RBBP8: variants seen among roughly 807,000 people sequenced by gnomAD.
The protein encoded by RBBP8 is RB binding protein 8, endonuclease.
RBBP8 carries 88 observed loss-of-function variants against 108.3 expected under a neutral mutation model. That is an observed-to-expected ratio of 0.81 (90% CI 0.68 to 0.97). The LOEUF is 0.97. Among genes scored for constraint, RBBP8 ranks in the 50% least tolerant of loss-of-function variants. The pLI is 0.00. For missense variants in RBBP8, 1,023 were observed against 1,049.0 expected, an observed-to-expected ratio of 0.98 and a Z score of 0.34; for synonymous variants, 332 against 348.2, an observed-to-expected ratio of 0.95 and a Z score of 0.52.
chr18:22,964,118 C>T (rs1463469530), intron 4 of RBBP8, among the ~76,000 whole-genome samples: 1 of 152,096 alleles, frequency 6.6e-6, no homozygotes, highest in Non-Finnish European at 1.5e-5. Flanking sequence ...CCCCACAATC[C>T]CCACCAAAAC....
At chr18:22,975,059 T>G in intron 5 of RBBP8, 94 bp from the exon 6 acceptor site, 1 of 1,389,534 alleles carries the variant, frequency 7.2e-7, no homozygotes, top group South Asian at 1.3e-5. Context: ...GAAGTACTAA[T>G]TTCTTCATAC....
chr18:22,985,592 T>C (rs1301564286), intron 8 of RBBP8, among the ~76,000 whole-genome samples: 2 of 151,970 alleles, frequency 1.3e-5, no homozygotes, highest in African/African-American at 4.8e-5. Flanking sequence ...AAAGGGGAGA[T>C]TGGTTTGGAC....
intron 10 of RBBP8, 30 bp downstream of exon 10, chr18:22,991,079 TA>T (rs758193630): frequency 1.4e-6 from 2 of 1,459,354 alleles, no homozygotes. Flanking sequence ...TGAAAACTGA[TA>T]AGCTATTGGT....
At chr18:22,984,649 C>T (rs1229746536) in intron 7 of RBBP8, among the ~76,000 whole-genome samples, 1 of 152,192 alleles carries the variant, frequency 6.6e-6, no homozygotes, top group Non-Finnish European at 1.5e-5. Flanking sequence ...TTAGAAGAAG[C>T]TGTCTGTTCT....
At chr18:22,943,714 G>A (rs960207521) in intron 2 of RBBP8, among the ~76,000 whole-genome samples, 1 of 151,976 alleles carries the variant, frequency 6.6e-6, no homozygotes, top group Non-Finnish European at 1.5e-5. Flanking sequence ...GATGTTAGGG[G>A]TATTATTTAT....
chr18:22,947,995 A>G (rs1450872401), intron 3 of RBBP8, among the ~76,000 whole-genome samples: 1 of 152,076 alleles, frequency 6.6e-6, no homozygotes, highest in African/African-American at 2.4e-5. Context: ...ATAACTCACT[A>G]CTATTACAGA....
intron 14 of RBBP8, among the ~76,000 whole-genome samples, chr18:23,001,283 G>A (rs1393389703): frequency 6.6e-6 from 1 of 152,172 alleles, no homozygotes; most frequent in Non-Finnish European, 1.5e-5. Context: ...AGTAAGGCCT[G>A]TAATCCACAT....
At chr18:22,949,223 CTCTG>C (rs1344642022) in intron 3 of RBBP8, among the ~76,000 whole-genome samples, 2 of 152,236 alleles carry the variant, frequency 1.3e-5, no homozygotes, top group East Asian at 3.9e-4. Context: ...TCACTGTAAG[CTCTG>C]ACTTAAAAGC....
intron 3 of RBBP8, 30 bp downstream of exon 3, chr18:22,946,516 TATTTA>T: frequency 6.2e-7 from 1 of 1,610,690 alleles, no homozygotes; most frequent in Non-Finnish European, 8.5e-7. Context: ...ACTCATGTGT[TATTTA>T]TAGAGTAGTT....
intron 16 of RBBP8, among the ~76,000 whole-genome samples, chr18:23,013,860 A>G (rs1479045208): frequency 6.6e-6 from 1 of 152,276 alleles, no homozygotes; most frequent in African/African-American, 2.4e-5. Flanking sequence ...CTTAAAGGTT[A>G]AAAGCAAGAT....
intron 3 of RBBP8, 133 bp from the exon 4 acceptor site, chr18:22,949,485 A>G (rs953142214): frequency 1.4e-6 from 1 of 690,076 alleles, no homozygotes. Context: ...GATTTACAAG[A>G]TATTCCAACC....
intron 4 of RBBP8, among the ~76,000 whole-genome samples, chr18:22,957,898 T>A (rs1049563734): frequency 9.2e-5 from 14 of 152,204 alleles, no homozygotes; most frequent in Admixed American, 8.5e-4. Context: ...CCAGTGATAT[T>A]TTAAAAATCC....
intron 7 of RBBP8, 42 bp downstream of exon 7, chr18:22,982,435 C>T: frequency 6.2e-7 from 1 of 1,610,956 alleles, no homozygotes; most frequent in South Asian, 1.1e-5. Flanking sequence ...GTTTTGTAAA[C>T]CAGTGTTCAT....
intron 1 of RBBP8, among the ~76,000 whole-genome samples, chr18:22,936,216 C>T (rs1474668822): frequency 1.3e-5 from 2 of 152,116 alleles, no homozygotes; most frequent in African/African-American, 4.8e-5. Context: ...ATTCTCCTGC[C>T]TCAACCTCCT....
intron 18 of RBBP8, among the ~76,000 whole-genome samples, chr18:23,023,773 A>G (rs1202066093): frequency 6.6e-6 from 1 of 151,908 alleles, no homozygotes; most frequent in Non-Finnish European, 1.5e-5. Flanking sequence ...AGAGCTATTT[A>G]ATTAAGCAGG....
chr18:22,960,359 G>A (rs1440681800), intron 4 of RBBP8, among the ~76,000 whole-genome samples: 6 of 152,094 alleles, frequency 3.9e-5, no homozygotes, highest in African/African-American at 7.2e-5. Context: ...GAGACCAGCC[G>A]GGGCAACGTG....
upstream of RBBP8, among the ~76,000 whole-genome samples, chr18:22,930,866 G>C (rs532723678): frequency 3.3e-5 from 5 of 151,934 alleles, no homozygotes; most frequent in African/African-American, 1.2e-4. Context: ...TGAACTCCTG[G>C]GCTCAAGCAA....
At chr18:22,939,472 G>A (rs1910871029) in intron 2 of RBBP8, among the ~76,000 whole-genome samples, 2 of 152,072 alleles carry the variant, frequency 1.3e-5, no homozygotes, top group African/African-American at 4.8e-5. Context: ...GTTGCAGTGA[G>A]CTGAGATCAC....
intron 17 of RBBP8, among the ~76,000 whole-genome samples, chr18:23,018,431 T>C (rs966807312): frequency 2.0e-5 from 3 of 152,180 alleles, no homozygotes; most frequent in African/African-American, 7.2e-5. Flanking sequence ...TTGGCTGTCT[T>C]GGATGTTGAA....
Sources: allele counts gnomAD v4.1 joint callset (sites outside exome capture counted in the v4.1 genomes callset), GRCh38; gene constraint gnomAD v4.1.1; transcripts MANE v1.5; gene names NCBI Gene and HGNC (gene_info 2026-07-23, HGNC 2026-07-21).